ACO1: variants seen among roughly 807,000 people sequenced by gnomAD.
The protein encoded by ACO1 is cytoplasmic aconitate hydratase.
ACO1 carries 78 observed loss-of-function variants against 105.1 expected under a neutral mutation model. That is an observed-to-expected ratio of 0.74 (90% CI 0.62 to 0.90). The LOEUF (loss-of-function observed/expected upper bound fraction) is 0.90, where lower values mean the gene tolerates loss of function less well. ACO1 is among the 40% of genes least tolerant of loss of function. The probability of loss-of-function intolerance (pLI) is 0.00; values close to 1 mark genes in which losing one functional copy is unlikely to be tolerated. For missense variants in ACO1, 965 were observed against 1,111.1 expected, an observed-to-expected ratio of 0.87 and a Z score of 1.87; for synonymous variants, 364 against 397.4, an observed-to-expected ratio of 0.92 and a Z score of 1.00.
At position 32,418,330 on chromosome 9, in the gene ACO1, G is replaced by C. The variant is rs1028410753; in HGVS notation, c.477G>C (p.Trp159Cys). The change falls in exon 6 of 21, where the codon TGG (tryptophan) becomes TGC (cysteine). Residue 159 changes from tryptophan (W) to cysteine (C), a missense_variant and splice_region_variant. Coordinates refer to ENST00000309951, the MANE Select transcript of ACO1 (RefSeq NM_002197.3). ...TTCTTTCCATTTGTCAATCCCAGTG[G>C]GGTTCCCAGGCTTTTCACAACATGC... The part of the protein sequence containing the change: ...RNRERFEFLK[W>C]GSQAFHNMRI... 6.2e-7 allele frequency: 1 copy of C among 1,614,070 alleles called. No individual in the cohort carries two copies. The highest frequency in any genetic ancestry group is 1.6e-4 in the Middle Eastern group (1 of 6,062).
rs535429572 is a variant in ACO1 at position 32,423,506 on chromosome 9, G to A, written c.1071+87G>A. The A allele has an allele frequency of 8.7e-6, 8 of 917,582 alleles. No homozygotes were observed. The East Asian group carries it at 1.5e-4, about 18-fold the overall frequency. The allele number at this position is 917,582 out of a possible 1,614,324, so 56.8% of individuals were successfully genotyped here. A position where few individuals can be genotyped will look rare whatever the true frequency, so the allele number is the denominator to read the frequency against. On this transcript the variant is annotated intron_variant, in intron 9 of 20. Transcript: ENST00000309951. ...TGGTTTTTCTTGGGGGAATGCGCTA[G>A]TAGGAAATTAGTCACTGCCAAGGCA...
intron 4 of ACO1, among the ~76,000 whole-genome samples, chr9:32,408,918 A>C (rs1821673875): frequency 6.6e-6 from 1 of 152,218 alleles, no homozygotes; most frequent in African/African-American, 2.4e-5. Flanking sequence ...GTGAAAACAC[A>C]CACACATGAA....
chr9:32,448,673 C>T (rs547115078), intron 19 of ACO1, among the ~76,000 whole-genome samples: 2 of 152,344 alleles, frequency 1.3e-5, no homozygotes, highest in South Asian at 2.1e-4. Context: ...GCGCATCCTC[C>T]ATGGGCTGCA....
At chr9:32,427,586 C>A (rs1279637658) in intron 12 of ACO1, 150 bp downstream of exon 12, 2 of 1,156,438 alleles carry the variant, frequency 1.7e-6, no homozygotes, top group Non-Finnish European at 2.5e-6. Flanking sequence ...TAAACCCTTA[C>A]ATTCCATCTA....
chr9:32,453,605 G>C lies in ACO1; in HGVS notation c.*3494G>C, dbSNP rs774294428. ...TAGTAATTTGTGATCGTAGAGATTT[G>C]TCTCCCAGTATTCCCTAGGGCAAAA... On this transcript the variant is annotated 3_prime_UTR_variant, in exon 21 of 21. Transcript: ENST00000309951. 18 of 152,160 alleles carry C rather than the reference G, an allele frequency of 1.2e-4. No homozygotes were observed. Among genetic ancestry groups the C allele is most frequent in the Non-Finnish European group, 2.2e-4 (15 of 68,028 alleles). 9.4% of individuals were successfully genotyped at this position (152,160 alleles called of 1,614,324 possible).
intron 1 of ACO1, among the ~76,000 whole-genome samples, chr9:32,385,490 CTG>C (rs1821139908): frequency 6.6e-6 from 1 of 152,122 alleles, no homozygotes; most frequent in African/African-American, 2.4e-5. Context: ...GTAAGTAAGA[CTG>C]AGAAATTTGT....
chr9:32,410,431 G>A (rs2118423124), intron 4 of ACO1, among the ~76,000 whole-genome samples: 1 of 152,168 alleles, frequency 6.6e-6, no homozygotes, highest in East Asian at 1.9e-4. Context: ...GTGGTGGTGG[G>A]CACCTGTAGT....
chr9:32,449,182 A>T (rs1180480506), intron 20 of ACO1, 101 bp downstream of exon 20: 3 of 1,177,502 alleles, frequency 2.5e-6, no homozygotes, highest in South Asian at 1.6e-5. Context: ...AAGGCAAAAA[A>T]TATCACTCAG....
chr9:32,453,955 T>C lies in ACO1; in HGVS notation c.*3844T>C, dbSNP rs936363970. The C allele has an allele frequency of 1.3e-5, 2 of 152,204 alleles. No individual in the cohort carries two copies. Among genetic ancestry groups the C allele is most frequent in the African/African-American group, 4.8e-5 (2 of 41,454 alleles). The allele number at this position is 152,204 out of a possible 1,614,324, so 9.4% of individuals were successfully genotyped here. The stretch of plus-strand genomic sequence containing the variant: ...TGAAGCCTACTTATTCAGTACAGAT[T>C]TGTTGAATGAAATTCGTAGTTTTAT... On this transcript the variant is annotated 3_prime_UTR_variant, in exon 21 of 21. Coordinates refer to ENST00000309951, the MANE Select transcript of ACO1 (RefSeq NM_002197.3).
chr9:32,411,880 T>G (rs1193974139), intron 4 of ACO1, among the ~76,000 whole-genome samples: 1 of 152,110 alleles, frequency 6.6e-6, no homozygotes, highest in Non-Finnish European at 1.5e-5. Context: ...ATTTATTTAT[T>G]TATTTATTTA....
At chr9:32,429,524 A>AG (rs1405080460) in intron 13 of ACO1, 21 bp downstream of exon 13, 1 of 1,599,392 alleles carries the variant, frequency 6.3e-7, no homozygotes, top group African/African-American at 1.3e-5. Flanking sequence ...AGGTCCCTGC[A>AG]GGTCTTCAGA....
intron 4 of ACO1, among the ~76,000 whole-genome samples, chr9:32,413,209 G>A (rs537614080): frequency 3.1e-4 from 47 of 152,236 alleles, no homozygotes; most frequent in African/African-American, 7.9e-4. Flanking sequence ...AACACTAGCC[G>A]GGGCGGTGGC....
intron 14 of ACO1, 96 bp downstream of exon 14, chr9:32,430,670 G>A: frequency 7.6e-7 from 1 of 1,318,640 alleles, no homozygotes; most frequent in Non-Finnish European, 1.0e-6. Flanking sequence ...GAAGCATAGA[G>A]CCTCCAGGGA....
intron 13 of ACO1, 90 bp downstream of exon 13, chr9:32,429,593 G>A: frequency 1.8e-6 from 2 of 1,102,150 alleles, no homozygotes; most frequent in Non-Finnish European, 2.7e-6. Flanking sequence ...GAAGGTCCAT[G>A]GAAGCAGGGG....
chr9:32,395,036 G>C (rs1202359968), intron 1 of ACO1, among the ~76,000 whole-genome samples: 1 of 152,204 alleles, frequency 6.6e-6, no homozygotes, highest in Non-Finnish European at 1.5e-5. Flanking sequence ...AGTTAGAAAA[G>C]TTCATTGCCA....
intron 1 of ACO1, among the ~76,000 whole-genome samples, chr9:32,402,714 A>C (rs1419249786): frequency 6.6e-6 from 1 of 152,210 alleles, no homozygotes; most frequent in Non-Finnish European, 1.5e-5. Flanking sequence ...TTACCCAGCC[A>C]AAGATCTTTC....
In ACO1 at chr9:32,450,401, A is replaced by G. The variant is rs1822736687; in HGVS notation, c.*290A>G. 2.3e-6 allele frequency: 1 copy of G among 440,440 alleles called. No homozygotes were observed. Among genetic ancestry groups the G allele is most frequent in the African/African-American group, 2.0e-5 (1 of 49,662 alleles). 27.3% of individuals were successfully genotyped at this position (440,440 alleles called of 1,614,324 possible). ...GCTTGTCTTTAAAGTTACTGATCAC[A>G]GGACGTTGCTTTTTCACTGTTTCCT... On this transcript the variant is annotated 3_prime_UTR_variant, in exon 21 of 21. Transcript: ENST00000309951.
chr9:32,391,427 T>C (rs1286063455), intron 1 of ACO1, among the ~76,000 whole-genome samples: 2 of 152,200 alleles, frequency 1.3e-5, no homozygotes, highest in Non-Finnish European at 2.9e-5. Flanking sequence ...ATTGAAACAA[T>C]ATCACACTCT....
chr9:32,415,195 G>T (rs1821822274), intron 4 of ACO1, among the ~76,000 whole-genome samples: 1 of 152,212 alleles, frequency 6.6e-6, no homozygotes, highest in African/African-American at 2.4e-5. Flanking sequence ...CTGAGGTCAG[G>T]TTGAAGGACT....
Sources: allele counts gnomAD v4.1 joint callset (sites outside exome capture counted in the v4.1 genomes callset), GRCh38; gene constraint gnomAD v4.1.1; transcripts MANE v1.5; gene names NCBI Gene and HGNC (gene_info 2026-07-23, HGNC 2026-07-21).